The following DIAPH3 variants were observed in gnomAD, a reference collection of about 807,000 sequenced individuals.
DIAPH3 encodes protein diaphanous homolog 3.
A neutral mutation model predicts 144.3 loss-of-function variants in DIAPH3; 117 were observed. The ratio of observed to expected loss-of-function variants is 0.81; its 90% CI spans 0.70 to 0.95. The LOEUF is 0.95. Among genes scored for constraint, DIAPH3 ranks in the 40% least tolerant of loss-of-function variants. DIAPH3 has a pLI of 0.00. For synonymous variants in DIAPH3, 519 were observed against 488.9 expected (o/e 1.06, Z -0.81); for missense variants, 1,421 against 1,412.7 (o/e 1.01, Z -0.09).
chr13:59,911,356 CAAGT>C (rs1272151999), intron 20 of DIAPH3, among the ~76,000 whole-genome samples: 1 of 152,084 alleles, frequency 6.6e-6, no homozygotes, highest in Non-Finnish European at 1.5e-5. Flanking sequence ...GAGATGAATT[CAAGT>C]AAGTGATCAG....
At chr13:60,056,136 G>A (rs946813168) in intron 4 of DIAPH3, among the ~76,000 whole-genome samples, 3 of 151,400 alleles carry the variant, frequency 2.0e-5, no homozygotes, top group African/African-American at 7.3e-5. Context: ...ACCCTGTAAT[G>A]TTAGACTCTA....
chr13:60,154,645 A>T (rs1455961171), intron 1 of DIAPH3, among the ~76,000 whole-genome samples: 1 of 152,178 alleles, frequency 6.6e-6, no homozygotes, highest in Admixed American at 6.5e-5. Flanking sequence ...GAGAAAAATT[A>T]CTCCCAATGG....
At chr13:60,155,220 T>C (rs1315718596) in intron 1 of DIAPH3, among the ~76,000 whole-genome samples, 2 of 152,322 alleles carry the variant, frequency 1.3e-5, no homozygotes, top group East Asian at 3.9e-4. Context: ...GTAATAAATG[T>C]ATGTCAGTTT....
intron 27 of DIAPH3, among the ~76,000 whole-genome samples, chr13:59,743,201 G>A (rs1176914321): frequency 6.6e-6 from 1 of 152,192 alleles, no homozygotes; most frequent in African/African-American, 2.4e-5. Flanking sequence ...GAATGAAATG[G>A]ACAGGAGGAC....
chr13:59,969,967 T>C lies in DIAPH3; in HGVS notation c.2051A>G (p.Asn684Ser), dbSNP rs759496206. The C allele has an allele frequency of 6.2e-7, 1 of 1,606,460 alleles. No homozygotes were observed. The highest frequency in any genetic ancestry group is 8.5e-7 in the Non-Finnish European group (1 of 1,175,304). Residue 684 changes from asparagine (N) to serine (S), a missense_variant, in exon 17 of 28, where the codon AAT (asparagine) becomes AGT (serine). Physicochemically the swap from Asn to Ser is conservative, Grantham distance 46. Coordinates refer to ENST00000400324, the MANE Select transcript of DIAPH3 (RefSeq NM_001042517.2). ...ACCTTTTTGTTGGCAACAAAATGTA[T>C]TCTCAAGTTTACAAAGCAAATCCAC... ...ENVDLLCKLE[N>S]TFCCQQKERR...
intron 4 of DIAPH3, among the ~76,000 whole-genome samples, chr13:60,066,376 C>T (rs553410225): frequency 3.3e-5 from 5 of 152,078 alleles, no homozygotes; most frequent in Non-Finnish European, 7.4e-5. Context: ...TGTATAGTCA[C>T]CATATCACAG....
At chr13:59,684,583 T>G (rs768724869) in intron 27 of DIAPH3, among the ~76,000 whole-genome samples, 3 of 152,178 alleles carry the variant, frequency 2.0e-5, no homozygotes, top group Non-Finnish European at 2.9e-5. Flanking sequence ...AAAAACAACA[T>G]ATGCAAAAGC....
chr13:59,741,940 A>T (rs1415352733), intron 27 of DIAPH3, among the ~76,000 whole-genome samples: 1 of 152,204 alleles, frequency 6.6e-6, no homozygotes, highest in East Asian at 1.9e-4. Context: ...CTGCTAATAA[A>T]GACATACCCA....
chr13:59,707,526 G>A (rs976968607), intron 27 of DIAPH3, among the ~76,000 whole-genome samples: 6 of 152,160 alleles, frequency 3.9e-5, no homozygotes, highest in Admixed American at 6.5e-5. Flanking sequence ...AGGGATTGAA[G>A]TAGAAAATCT....
At chr13:60,111,695 A>T (rs1405420100) in intron 3 of DIAPH3, among the ~76,000 whole-genome samples, 1 of 152,224 alleles carries the variant, frequency 6.6e-6, no homozygotes, top group Non-Finnish European at 1.5e-5. Context: ...ATTGTCTTCC[A>T]TAAAATCAGT....
At chr13:59,879,570 CA>C (rs2044870763) in intron 20 of DIAPH3, 102 bp from the exon 21 acceptor site, 2 of 1,507,212 alleles carry the variant, frequency 1.3e-6, no homozygotes, top group Admixed American at 3.6e-5. Flanking sequence ...ATGACAGTAC[CA>C]AAGAAGAAAT....
intron 27 of DIAPH3, among the ~76,000 whole-genome samples, chr13:59,669,254 T>C (rs1296247427): frequency 2.6e-5 from 4 of 152,182 alleles, no homozygotes; most frequent in African/African-American, 9.7e-5. Flanking sequence ...CTCCATTTCT[T>C]TCCTGGTCTC....
At chr13:59,885,797 C>T (rs2045407217) in intron 20 of DIAPH3, among the ~76,000 whole-genome samples, 1 of 152,146 alleles carries the variant, frequency 6.6e-6, no homozygotes, top group Non-Finnish European at 1.5e-5. Context: ...CCCAGAAACG[C>T]CAAGGATCGT....
chr13:60,115,677 C>CT (rs533462271), intron 2 of DIAPH3, among the ~76,000 whole-genome samples: 9 of 151,948 alleles, frequency 5.9e-5, no homozygotes, highest in East Asian at 3.9e-4. Flanking sequence ...TTAATTTTAA[C>CT]TTTTTTTATA....
At chr13:59,732,097 C>T (rs1195337041) in intron 27 of DIAPH3, among the ~76,000 whole-genome samples, 1 of 151,912 alleles carries the variant, frequency 6.6e-6, no homozygotes, top group East Asian at 1.9e-4. Context: ...CTCATTGTTC[C>T]ATAAGATTTG....
chr13:59,885,399 T>C (rs2045370404), intron 20 of DIAPH3, among the ~76,000 whole-genome samples: 1 of 144,884 alleles, frequency 6.9e-6, no homozygotes, highest in African/African-American at 2.5e-5. Context: ...TTGAAATTTA[T>C]ATTAATGAAA....
chr13:59,871,837 C>G (rs1427304155), intron 21 of DIAPH3, among the ~76,000 whole-genome samples: 2 of 152,190 alleles, frequency 1.3e-5, no homozygotes, highest in South Asian at 4.1e-4. Context: ...TGGCATCTAT[C>G]AAGGTCCATT....
At chr13:60,103,671 G>A (rs2058334837) in intron 3 of DIAPH3, among the ~76,000 whole-genome samples, 1 of 152,150 alleles carries the variant, frequency 6.6e-6, no homozygotes, top group African/African-American at 2.4e-5. Flanking sequence ...ATTATGTTTT[G>A]TTTTAGGGGT....
intron 15 of DIAPH3, among the ~76,000 whole-genome samples, 162 bp from the exon 16 acceptor site, chr13:59,971,322 C>T (rs1157303202): frequency 6.6e-6 from 1 of 152,104 alleles, no homozygotes. Context: ...AATTTTTCTT[C>T]TAATTTAAGA....
Sources: allele counts gnomAD v4.1 joint callset (sites outside exome capture counted in the v4.1 genomes callset), GRCh38; gene constraint gnomAD v4.1.1; transcripts MANE v1.5; gene names NCBI Gene and HGNC (gene_info 2026-07-23, HGNC 2026-07-21).